RNF220: variants seen among roughly 807,000 people sequenced by gnomAD.
RNF220 encodes E3 ubiquitin-protein ligase RNF220.
A neutral mutation model predicts 67.1 loss-of-function variants in RNF220; 7 were observed. The ratio of observed to expected loss-of-function variants is 0.10; its 90% CI spans 0.06 to 0.20. The LOEUF (loss-of-function observed/expected upper bound fraction) is 0.20, where lower values mean the gene tolerates loss of function less well. Ranked by LOEUF, RNF220 falls within the 10% of genes least tolerant of loss-of-function variation. The pLI is 1.00. For missense variants in RNF220, 565 were observed against 740.3 expected (o/e 0.76, Z 2.75); for synonymous variants, 270 against 283.2 (o/e 0.95, Z 0.47).
intron 12 of RNF220, among the ~76,000 whole-genome samples, chr1:44,647,660 A>G (rs773400861): frequency 5.5e-4 from 84 of 152,280 alleles, no homozygotes; most frequent in Non-Finnish European, 1.0e-3. Flanking sequence ...CCCCAAAGGA[A>G]AAAGGCCAGA....
intron 2 of RNF220, among the ~76,000 whole-genome samples, chr1:44,561,635 G>A (rs755295970): frequency 6.6e-6 from 1 of 152,182 alleles, no homozygotes; most frequent in Non-Finnish European, 1.5e-5. Flanking sequence ...GCTAGCCAGG[G>A]GCCAGGCACA....
At chr1:44,550,808 G>A (rs1197225514) in intron 2 of RNF220, among the ~76,000 whole-genome samples, 1 of 152,106 alleles carries the variant, frequency 6.6e-6, no homozygotes, top group Non-Finnish European at 1.5e-5. Flanking sequence ...AGATGCTCAG[G>A]GCGTTCTTGG....
chr1:44,646,337 C>A (rs1247477294), intron 12 of RNF220, among the ~76,000 whole-genome samples: 3 of 152,252 alleles, frequency 2.0e-5, no homozygotes, highest in Admixed American at 6.5e-5. Flanking sequence ...GTCATAAATT[C>A]ATTCCAGCCC....
intron 2 of RNF220, among the ~76,000 whole-genome samples, chr1:44,454,114 A>G (rs1437457981): frequency 6.6e-6 from 1 of 152,164 alleles, no homozygotes; most frequent in Admixed American, 6.5e-5. Flanking sequence ...AGTCTCAGGG[A>G]TCTTCACATA....
chr1:44,554,556 T>C (rs534527384), intron 2 of RNF220, among the ~76,000 whole-genome samples: 70 of 152,124 alleles, frequency 4.6e-4, no homozygotes, highest in African/African-American at 1.6e-3. Context: ...CAGGAAACAG[T>C]TGGGCTGAAG....
At chr1:44,441,599 T>C (rs2147898533) in intron 2 of RNF220, among the ~76,000 whole-genome samples, 1 of 152,294 alleles carries the variant, frequency 6.6e-6, no homozygotes, top group Non-Finnish European at 1.5e-5. Context: ...AGGAGGGAGA[T>C]ACTAGTGGCC....
chr1:44,472,837 T>G (rs138192290), intron 2 of RNF220, among the ~76,000 whole-genome samples: 1 of 152,214 alleles, frequency 6.6e-6, no homozygotes, highest in Admixed American at 6.5e-5. Context: ...TGCAGTGAGC[T>G]GGGCCAGCAG....
At position 44,650,237 on chromosome 1, in the gene RNF220, C is replaced by A; in HGVS notation, c.1629+280C>A. On this transcript the variant is annotated intron_variant, in intron 14 of 14. Transcript: ENST00000361799. The surrounding 1 kb of genome is among the most constrained non-coding windows in gnomAD (Gnocchi z 4.3). ...CACTGCATCACACAGACTGGTGAGG[C>A]CTGGGGTCAGGAGGAGGCTGGCTGT... The A allele has an allele frequency of 1.8e-6, 1 of 551,910 alleles. No individual in the cohort carries two copies. The allele number at this position is 551,910 out of a possible 1,614,324, so 34.2% of individuals were successfully genotyped here.
chr1:44,645,313 G>A lies in RNF220; in HGVS notation c.1366+37G>A. On this transcript the variant is annotated intron_variant, in intron 11 of 14. Transcript: ENST00000361799. This position sits in a 1 kb window ranked among gnomAD's most constrained non-coding sequence, Gnocchi z 5.0. ...CCCAGGTTAGGAGTAATGGGGGAGA[G>A]GGGGTATCCCTAGATGGTGGTGACT... The A allele has an allele frequency of 6.2e-7, 1 of 1,613,574 alleles. No homozygotes were observed. Among genetic ancestry groups the A allele is most frequent in the Non-Finnish European group, 8.5e-7 (1 of 1,179,538 alleles).
intron 2 of RNF220, among the ~76,000 whole-genome samples, chr1:44,594,056 G>C (rs1381984087): frequency 6.6e-6 from 1 of 151,298 alleles, no homozygotes; most frequent in Non-Finnish European, 1.5e-5. Flanking sequence ...CTGTACTCCA[G>C]CCTGGGTGAC....
chr1:44,650,650 A>G lies in RNF220; in HGVS notation c.1630-54A>G, dbSNP rs933079896. 3.2e-6 allele frequency: 5 copies of G among 1,579,084 alleles called. No homozygotes were observed. Among genetic ancestry groups the G allele is most frequent in the South Asian group, 1.1e-5 (1 of 90,398 alleles). On this transcript the variant is annotated intron_variant, in intron 14 of 14. Coordinates refer to ENST00000361799, the MANE Select transcript of RNF220 (RefSeq NM_018150.4). This position sits in a 1 kb window ranked among gnomAD's most constrained non-coding sequence, Gnocchi z 4.3. ...CATGGCTGCAGGCCCAGGTGCTCAC[A>G]TGCGCACACATGGCTCATTGTGTAG...
intron 2 of RNF220, among the ~76,000 whole-genome samples, chr1:44,480,501 T>C (rs1434107324): frequency 6.6e-6 from 1 of 152,078 alleles, no homozygotes; most frequent in African/African-American, 2.4e-5. Context: ...ACCCAAGCCC[T>C]GGATAACTCT....
At chr1:44,609,486 A>T (rs1667508882) in intron 2 of RNF220, among the ~76,000 whole-genome samples, 1 of 152,178 alleles carries the variant, frequency 6.6e-6, no homozygotes. Flanking sequence ...CAAGGAGGGG[A>T]GGGCTTTCCC....
At chr1:44,452,540 C>T (rs918408842) in intron 2 of RNF220, among the ~76,000 whole-genome samples, 11 of 151,992 alleles carry the variant, frequency 7.2e-5, no homozygotes, top group South Asian at 2.1e-4. Context: ...GGCAACAGAG[C>T]GAAACTCCAT....
chr1:44,445,715 C>T (rs1243578324), intron 2 of RNF220, among the ~76,000 whole-genome samples: 1 of 149,098 alleles, frequency 6.7e-6, no homozygotes, highest in East Asian at 2.0e-4. Flanking sequence ...CTTCTTATCC[C>T]GCCTCAATCC....
chr1:44,551,146 G>A (rs1190682054), intron 2 of RNF220, among the ~76,000 whole-genome samples: 4 of 123,652 alleles, frequency 3.2e-5, no homozygotes, highest in African/African-American at 9.1e-5. Flanking sequence ...TTTTTGAGGC[G>A]CTCTGTCGCC....
intron 2 of RNF220, among the ~76,000 whole-genome samples, chr1:44,450,162 T>C (rs578030483): frequency 6.6e-6 from 1 of 152,202 alleles, no homozygotes; most frequent in Non-Finnish European, 1.5e-5. Flanking sequence ...TGAGCCGAGA[T>C]TGCGCCATTG....
chr1:44,527,938 A>AGG (rs56413932), intron 2 of RNF220, among the ~76,000 whole-genome samples: 1 of 109,766 alleles, frequency 9.1e-6, no homozygotes, highest in African/African-American at 3.7e-5. Context: ...AAAAAAAAAA[A>AGG]AAAAAAAAAA....
rs1293055504 is a variant in RNF220, at chr1:44,645,835, G to A, written c.1445+347G>A. 1.3e-5 allele frequency among the ~76,000 whole-genome samples: 2 copies of A among 152,216 alleles called. No homozygotes were observed. Among genetic ancestry groups the A allele is most frequent in the Admixed American group, 6.5e-5 (1 of 15,290 alleles). On this transcript the variant is annotated intron_variant, in intron 12 of 14. Coordinates refer to ENST00000361799, the MANE Select transcript of RNF220 (RefSeq NM_018150.4). The surrounding 1 kb of genome is among the most constrained non-coding windows in gnomAD (Gnocchi z 5.0). ...CATCTCCAGTTTCTGTTTCTTAATC[G>A]GGAGCTAAATTGGTTTCATTTTTCT...
Sources: allele counts gnomAD v4.1 joint callset (sites outside exome capture counted in the v4.1 genomes callset), GRCh38; gene constraint gnomAD v4.1.1; non-coding constraint Gnocchi (gnomAD v3.1); transcripts MANE v1.5; gene names NCBI Gene and HGNC (gene_info 2026-07-23, HGNC 2026-07-21).